INSC: variants seen among roughly 807,000 people sequenced by gnomAD.
INSC encodes INSC spindle orientation adaptor protein.
INSC carries 67 observed loss-of-function variants against 58.6 expected under a neutral mutation model. The observed-to-expected ratio is 1.14, with a 90% CI of 0.94 to 1.40. The LOEUF (loss-of-function observed/expected upper bound fraction) is 1.40, where lower values mean the gene tolerates loss of function less well. Among genes scored for constraint, INSC ranks in the 40% most tolerant of loss-of-function variants. INSC has a pLI of 0.00. For missense variants in INSC, 714 were observed against 692.0 expected, an observed-to-expected ratio of 1.03 and a Z score of -0.36; for synonymous variants, 262 against 276.1, an observed-to-expected ratio of 0.95 and a Z score of 0.51.
chr11:15,149,022 T>A, intron 1 of INSC, 108 bp from the exon 2 acceptor site: 2 of 1,330,138 alleles, frequency 1.5e-6, no homozygotes, highest in Non-Finnish European at 9.8e-7. Flanking sequence ...GGCTAAGAAG[T>A]CTTACCTCTT....
In INSC at chr11:15,203,550, C is replaced by A. The variant is rs1389077677; in HGVS notation, c.819+2601C>A. Among the ~76,000 whole-genome samples, 3 of 152,134 alleles carry A rather than the reference C, an allele frequency of 2.0e-5. No individual in the cohort carries two copies. In the South Asian group the frequency reaches 6.2e-4, roughly 32 times the overall value. ...TGCTTGCTTCAAGTTTGAAAGTATC[C>A]CCATAGTATGGATGAAAATACTGAC... On this transcript the variant is annotated intron_variant, in intron 7 of 12. Coordinates refer to ENST00000379556, the MANE Select transcript of INSC (RefSeq NM_001042536.3).
At chr11:15,235,522 C>T in intron 9 of INSC, 80 bp from the exon 10 acceptor site, 3 of 1,060,430 alleles carry the variant, frequency 2.8e-6, no homozygotes, top group Middle Eastern at 2.0e-4. Context: ...GCTTTGTAGC[C>T]CCTGGCTGAC....
At chr11:15,239,211 T>A in intron 11 of INSC, 137 bp downstream of exon 11, 1 of 1,086,678 alleles carries the variant, frequency 9.2e-7, no homozygotes, top group Non-Finnish European at 1.3e-6. Context: ...GGCTCAGGGG[T>A]GGAGGCTCAG....
At chr11:15,200,016 G>A (rs1850516886) in intron 6 of INSC, among the ~76,000 whole-genome samples, 1 of 152,138 alleles carries the variant, frequency 6.6e-6, no homozygotes, top group African/African-American at 2.4e-5. Context: ...CCTGGACAAT[G>A]AGCTCTGCAC....
intron 2 of INSC, among the ~76,000 whole-genome samples, chr11:15,166,442 A>C (rs377329239): frequency 6.6e-6 from 1 of 152,174 alleles, no homozygotes; most frequent in Non-Finnish European, 1.5e-5. Flanking sequence ...TTACTTGCCC[A>C]ACACTTAAAC....
intron 1 of INSC, among the ~76,000 whole-genome samples, chr11:15,137,023 A>G (rs923556080): frequency 4.6e-5 from 7 of 152,218 alleles, no homozygotes; most frequent in Admixed American, 3.9e-4. Flanking sequence ...TCCTTGATTC[A>G]TGGGCTGCAG....
intron 10 of INSC, 101 bp downstream of exon 10, chr11:15,235,769 A>G: frequency 9.8e-7 from 1 of 1,022,718 alleles, no homozygotes. Flanking sequence ...GTAAATAGGT[A>G]CATGTGGCCG....
chr11:15,219,547 G>A (rs1443929595), intron 7 of INSC, among the ~76,000 whole-genome samples: 1 of 152,056 alleles, frequency 6.6e-6, no homozygotes, highest in Non-Finnish European at 1.5e-5. Context: ...CCAGGCCTTG[G>A]GTGGCAGCAG....
At chr11:15,118,804 G>T (rs763176634) in intron 1 of INSC, among the ~76,000 whole-genome samples, 1 of 152,220 alleles carries the variant, frequency 6.6e-6, no homozygotes, top group Non-Finnish European at 1.5e-5. Flanking sequence ...TAGGACTTCT[G>T]TGCAGGAAAG....
chr11:15,117,353 G>A (rs1424639749), intron 1 of INSC, among the ~76,000 whole-genome samples: 1 of 152,058 alleles, frequency 6.6e-6, no homozygotes, highest in Non-Finnish European at 1.5e-5. Context: ...ATTTTTTGAG[G>A]GGAATGCTGG....
At chr11:15,115,552 A>G (rs1163725636) in intron 1 of INSC, among the ~76,000 whole-genome samples, 1 of 152,172 alleles carries the variant, frequency 6.6e-6, no homozygotes, top group African/African-American at 2.4e-5. Context: ...CAGAGCCCTC[A>G]CACAACACTG....
In INSC at chr11:15,202,841, A is replaced by G. The variant is rs1032084379; in HGVS notation, c.819+1892A>G. On this transcript the variant is annotated intron_variant, in intron 7 of 12. Transcript: ENST00000379556. ...CTGTGCAGCTGGGATGGCTGGAGGCATTTTTCCTTTCACCTATCTGATGCT... is the reference window on the plus strand; with the variant it reads ...CTGTGCAGCTGGGATGGCTGGAGGCGTTTTTCCTTTCACCTATCTGATGCT... Among the ~76,000 whole-genome samples, 6 of 152,192 alleles carry G rather than the reference A, an allele frequency of 3.9e-5. No homozygotes were observed. In the South Asian group the frequency reaches 1.2e-3, roughly 32 times the overall value.
Position 15,233,878 on chromosome 11 carries a change from A to T in INSC, c.1171-1724A>T, listed in dbSNP as rs113446752. 4.7e-3 allele frequency among the ~76,000 whole-genome samples: 719 copies of T among 152,276 alleles called. 6 individuals carry two copies. The highest frequency in any genetic ancestry group is 0.016 in the African/African-American group (656 of 41,542). On this transcript the variant is annotated intron_variant, in intron 9 of 12. Transcript: ENST00000379556. Reference sequence around the variant, plus strand: ...TCTGCTAACAGCCCAGAGATAGCCAAACAAACTCTAAACTGACATGGACTT... The same window carrying T: ...TCTGCTAACAGCCCAGAGATAGCCATACAAACTCTAAACTGACATGGACTT...
rs376489113 is a variant in INSC at position 15,230,063 on chromosome 11, A to G, written c.1170+4235A>G. On this transcript the variant is annotated intron_variant, in intron 9 of 12. Transcript: ENST00000379556. ...ATAAAAGCCAGGCATGGTGGTACAC[A>G]CCTGTAGTCCCAGCTACTTGGGAAG... Among the ~76,000 whole-genome samples, 107 of 119,234 alleles carry G rather than the reference A, an allele frequency of 9.0e-4. 2 individuals are homozygous for G. In the South Asian group the frequency reaches 0.028, roughly 32 times the overall value. 78.2% of individuals were successfully genotyped at this position (119,234 alleles called of 152,430 possible).
chr11:15,253,846 A>G, the INSC span, among the ~76,000 whole-genome samples: 1 of 152,154 alleles, frequency 6.6e-6, no homozygotes, highest in Non-Finnish European at 1.5e-5. Flanking sequence ...TCAAAGTCCA[A>G]CTGATTTTAA....
rs566958078 is a variant in INSC at position 15,151,110 on chromosome 11, G to T, written c.56+1880G>T. Among the ~76,000 whole-genome samples the T allele has an allele frequency of 1.1e-3, 160 of 152,294 alleles. 1 individual carries two copies. The highest frequency in any genetic ancestry group is 3.4e-3 in the African/African-American group (140 of 41,556). Reference sequence around the variant, plus strand: ...CAGTGGTCCCAACTCCTGGTCCTTAGCCTGTTAGGAACTGGGCCCCCACAC... The same window carrying T: ...CAGTGGTCCCAACTCCTGGTCCTTATCCTGTTAGGAACTGGGCCCCCACAC... On this transcript the variant is annotated intron_variant, in intron 2 of 12. Coordinates refer to ENST00000379556, the MANE Select transcript of INSC (RefSeq NM_001042536.3).
the INSC span, among the ~76,000 whole-genome samples, chr11:15,261,151 GTTGC>G: frequency 6.6e-6 from 1 of 152,172 alleles, no homozygotes; most frequent in Non-Finnish European, 1.5e-5. Flanking sequence ...ACACTGCTCT[GTTGC>G]TTGCTTGATC....
Position 15,176,046 on chromosome 11 carries a change from ACAGTGCTGT to A in INSC, c.366_374del (p.Ala123_Ser125del), listed in dbSNP as rs765398923. 1,106 of 1,559,516 alleles carry A rather than the reference ACAGTGCTGT, an allele frequency of 7.1e-4. No individual in the cohort carries two copies. The highest frequency in any genetic ancestry group is 9.0e-4 in the Non-Finnish European group (1,037 of 1,146,326). On this transcript the variant is annotated inframe_deletion, in exon 3 of 13. Coordinates refer to ENST00000379556, the MANE Select transcript of INSC (RefSeq NM_001042536.3). Reference sequence around the variant, plus strand: ...CATGCCCGCTCCATGGTCAGCGAGTACAGTGCTGTCAGCAGGAACTCCTTGAAGGAAATG... The same window carrying A: ...CATGCCCGCTCCATGGTCAGCGAGTACAGCAGGAACTCCTTGAAGGAAATG...
chr11:15,212,705 T>A (rs114766530), intron 7 of INSC, among the ~76,000 whole-genome samples: 1,980 of 152,334 alleles, frequency 0.013, 52 homozygotes, highest in African/African-American at 0.046. Flanking sequence ...GTAATCTTGC[T>A]TGCTATATTT....
Sources: allele counts gnomAD v4.1 joint callset (sites outside exome capture counted in the v4.1 genomes callset), GRCh38; gene constraint gnomAD v4.1.1; transcripts MANE v1.5; gene names NCBI Gene and HGNC (gene_info 2026-07-23, HGNC 2026-07-21).